The following PALLD variants were observed in gnomAD, a reference collection of about 807,000 sequenced individuals.
PALLD encodes the protein palladin.
PALLD carries 61 observed loss-of-function variants against 123.5 expected under a neutral mutation model. The observed-to-expected ratio is 0.49, with a 90% CI of 0.40 to 0.61. The LOEUF (loss-of-function observed/expected upper bound fraction) is 0.61. Among genes scored for constraint, PALLD ranks in the 20% least tolerant of loss-of-function variants. The probability of loss-of-function intolerance (pLI) is 0.00; values close to 1 mark genes in which losing one functional copy is unlikely to be tolerated. For missense variants in PALLD, 1,273 were observed against 1,377.0 expected (o/e 0.92, Z 1.20); for synonymous variants, 465 against 496.4 (o/e 0.94, Z 0.84).
At chr4:168,807,871 A>G (rs1375078642) in intron 10 of PALLD, among the ~76,000 whole-genome samples, 1 of 150,370 alleles carries the variant, frequency 6.7e-6, no homozygotes, top group African/African-American at 2.4e-5. Context: ...ATGCCCAGCT[A>G]ATTTTTGTAT....
rs557061950 is a variant in PALLD at position 168,588,077 on chromosome 4, C to T, written c.908+75665C>T. ...GGCGCTCTTGGATCTGGGTCAGTCT[C>T]GATGGGGCCTGGGAATGTCTGCGGA... is the stretch of plus-strand genomic sequence containing the variant. On this transcript the variant is annotated intron_variant, in intron 2 of 21. Transcript: ENST00000505667. Among the ~76,000 whole-genome samples the T allele has an allele frequency of 2.7e-4, 41 of 152,016 alleles. 1 individual carries two copies. Among genetic ancestry groups the T allele is most frequent in the Admixed American group, 8.5e-4 (13 of 15,274 alleles).
rs1431878477 is a variant in PALLD, at chr4:168,903,870, T to C, written c.2586T>C (p.Asp862=). The C allele has an allele frequency of 1.9e-6, 3 of 1,614,084 alleles. No individual in the cohort carries two copies. Among genetic ancestry groups the C allele is most frequent in the East Asian group, 4.5e-5 (2 of 44,872 alleles). ...SLHTTASTLD[D]DGNYTIMAAN... ...ATACCACAGCCTCCACCCTAGATGATGATGGGAATTATACAATTATGGCTG... is the reference window on the plus strand; with the variant it reads ...ATACCACAGCCTCCACCCTAGATGACGATGGGAATTATACAATTATGGCTG... The change falls in exon 15 of 22, where the codon GAT becomes GAC. Residue 862 remains aspartate (D), a synonymous_variant. Transcript: ENST00000505667.
At position 168,567,937 on chromosome 4, in the gene PALLD, A is replaced by G. The variant is rs1288378303; in HGVS notation, c.908+55525A>G. Among the ~76,000 whole-genome samples the G allele has an allele frequency of 3.3e-5, 5 of 152,202 alleles. No individual in the cohort carries two copies. The East Asian group carries it at 9.7e-4, about 29-fold the overall frequency. On this transcript the variant is annotated intron_variant, in intron 2 of 21. Coordinates refer to ENST00000505667, the MANE Select transcript of PALLD (RefSeq NM_001166108.2). ...ATAAAACTACATTTGTATCCCCTAA[A>G]TCTATAAAGTTTTTTAAAAAAGAAG...
chr4:168,671,834 TTGGCAGCCTA>T (rs1443581959), intron 3 of PALLD, among the ~76,000 whole-genome samples: 3 of 152,212 alleles, frequency 2.0e-5, no homozygotes, highest in African/African-American at 7.2e-5. Context: ...TCAGCTGTCG[TTGGCAGCCTA>T]TCTATCAGAG....
At chr4:168,636,516 A>G (rs537707842) in intron 2 of PALLD, among the ~76,000 whole-genome samples, 43 of 152,222 alleles carry the variant, frequency 2.8e-4, no homozygotes, top group African/African-American at 1.0e-3. Context: ...AGAACTTCTA[A>G]CTTCAAATCT....
chr4:168,866,833 A>C (rs115009357), intron 10 of PALLD, among the ~76,000 whole-genome samples: 3,018 of 152,332 alleles, frequency 0.02, 53 homozygotes, highest in South Asian at 0.077. Context: ...GACATAGCCC[A>C]GCTGTCTCTA....
intron 8 of PALLD, among the ~76,000 whole-genome samples, chr4:168,695,765 T>C (rs1783072614): frequency 6.6e-6 from 1 of 152,234 alleles, no homozygotes; most frequent in Non-Finnish European, 1.5e-5. Flanking sequence ...TTTCAATTTA[T>C]ATGTATTTTT....
intron 2 of PALLD, among the ~76,000 whole-genome samples, chr4:168,528,524 T>C (rs1192136232): frequency 6.6e-6 from 1 of 152,254 alleles, no homozygotes; most frequent in Non-Finnish European, 1.5e-5. Flanking sequence ...GGAATTTATA[T>C]ACTGTCTCTC....
At chr4:168,914,710 T>C (rs148119032) in intron 16 of PALLD, among the ~76,000 whole-genome samples, 18 of 152,348 alleles carry the variant, frequency 1.2e-4, no homozygotes, top group African/African-American at 3.4e-4. Flanking sequence ...AGATATTTTA[T>C]AGACAGAATA....
intron 8 of PALLD, among the ~76,000 whole-genome samples, chr4:168,693,631 GA>G (rs1293657613): frequency 2.0e-5 from 3 of 152,108 alleles, no homozygotes; most frequent in African/African-American, 7.2e-5. Flanking sequence ...AGCATTTTCT[GA>G]AAAATTTCTC....
At chr4:168,742,822 C>T (rs577572419) in intron 10 of PALLD, among the ~76,000 whole-genome samples, 1 of 152,196 alleles carries the variant, frequency 6.6e-6, no homozygotes, top group East Asian at 1.9e-4. Context: ...CTGTTTAGCA[C>T]TAAATAAGGA....
chr4:168,872,256 A>G (rs1751185782), intron 10 of PALLD, among the ~76,000 whole-genome samples: 3 of 152,248 alleles, frequency 2.0e-5, no homozygotes, highest in Admixed American at 2.0e-4. Flanking sequence ...TCTGTGGCAG[A>G]GCCAAATATG....
At chr4:168,808,145 A>T (rs890421301) in intron 10 of PALLD, among the ~76,000 whole-genome samples, 2 of 151,700 alleles carry the variant, frequency 1.3e-5, no homozygotes, top group Non-Finnish European at 2.9e-5. Context: ...AAATATAATA[A>T]TATATATGAG....
chr4:168,803,577 T>G (rs1739679131), intron 10 of PALLD, among the ~76,000 whole-genome samples: 1 of 151,692 alleles, frequency 6.6e-6, no homozygotes, highest in Non-Finnish European at 1.5e-5. Flanking sequence ...TCTCAGCTAC[T>G]TGGGAGGCTG....
At chr4:168,851,297 C>T (rs1441765004) in intron 10 of PALLD, among the ~76,000 whole-genome samples, 2 of 152,216 alleles carry the variant, frequency 1.3e-5, no homozygotes, top group African/African-American at 4.8e-5. Flanking sequence ...CAGGATAAAA[C>T]TGTTTGATAA....
At chr4:168,742,033 G>A (rs562262504) in intron 10 of PALLD, among the ~76,000 whole-genome samples, 7 of 152,294 alleles carry the variant, frequency 4.6e-5, no homozygotes, top group Non-Finnish European at 8.8e-5. Flanking sequence ...TTTCCAGTGC[G>A]GGCAAAAGCT....
chr4:168,628,975 T>C (rs949637216), intron 2 of PALLD, among the ~76,000 whole-genome samples: 1 of 150,750 alleles, frequency 6.6e-6, no homozygotes, highest in Non-Finnish European at 1.5e-5. Flanking sequence ...TGTATTTAAG[T>C]GAAGATGTAA....
chr4:168,915,483 T>C (rs973633398), intron 16 of PALLD, among the ~76,000 whole-genome samples: 3 of 152,216 alleles, frequency 2.0e-5, no homozygotes, highest in Admixed American at 2.0e-4. Flanking sequence ...ATTAAAAATA[T>C]ATTGAATTTT....
In PALLD at chr4:168,711,808, C is replaced by T. The variant is rs138283237; in HGVS notation, c.1849C>T (p.Arg617Cys). The change falls in exon 10 of 22, where the codon CGT becomes TGT. Residue 617 changes from arginine to cysteine, a missense_variant. Coordinates refer to ENST00000505667, the MANE Select transcript of PALLD (RefSeq NM_001166108.2). ...ERETNGVHPS[R>C]GVNGLINGKA... ...GGAAACGAACGGAGTCCATCCCAGCCGTGGAGTAAATGGACTGATTAACGG... is the reference window on the plus strand; with the variant it reads ...GGAAACGAACGGAGTCCATCCCAGCTGTGGAGTAAATGGACTGATTAACGG... The T allele has an allele frequency of 1.1e-3, 1,802 of 1,614,068 alleles. 11 individuals carry two copies. The highest frequency in any genetic ancestry group is 4.9e-4 in the Non-Finnish European group (583 of 1,179,976).
Sources: allele counts gnomAD v4.1 joint callset (sites outside exome capture counted in the v4.1 genomes callset), GRCh38; gene constraint gnomAD v4.1.1; transcripts MANE v1.5; gene names NCBI Gene and HGNC (gene_info 2026-07-23, HGNC 2026-07-21).